CNTN5: variants seen among roughly 807,000 people sequenced by gnomAD.
The protein encoded by CNTN5 is contactin-5.
In CNTN5, 77 loss-of-function variants were observed where a neutral mutation model predicts 129.1. The observed-to-expected ratio is 0.60, with a 90% CI of 0.50 to 0.72. The LOEUF (loss-of-function observed/expected upper bound fraction) is 0.72. Ranked by LOEUF, CNTN5 falls within the 30% of genes least tolerant of loss-of-function variation. The pLI is 0.00. For missense variants in CNTN5, 1,478 were observed against 1,328.8 expected, an observed-to-expected ratio of 1.11 and a Z score of -1.75; for synonymous variants, 509 against 465.6, an observed-to-expected ratio of 1.09 and a Z score of -1.20.
chr11:100,237,014 C>T (rs1591423753), intron 16 of CNTN5, among the ~76,000 whole-genome samples: 1 of 151,588 alleles, frequency 6.6e-6, no homozygotes, highest in Non-Finnish European at 1.5e-5. Flanking sequence ...ACAGTGAAAC[C>T]CCGTCTCTAC....
chr11:99,912,702 T>C (rs897663062), intron 6 of CNTN5, among the ~76,000 whole-genome samples: 4 of 150,962 alleles, frequency 2.6e-5, no homozygotes, highest in African/African-American at 7.3e-5. Flanking sequence ...TTCTCCAAGC[T>C]ACAGTTCTAG....
intron 1 of CNTN5, among the ~76,000 whole-genome samples, chr11:99,131,299 A>C (rs887369511): frequency 5.3e-5 from 8 of 150,692 alleles, no homozygotes; most frequent in African/African-American, 2.0e-4. Flanking sequence ...CACATCAAAA[A>C]GCCTGAAAGA....
intron 13 of CNTN5, among the ~76,000 whole-genome samples, chr11:100,097,646 G>A (rs1360520463): frequency 1.3e-5 from 2 of 152,082 alleles, no homozygotes; most frequent in African/African-American, 4.8e-5. Flanking sequence ...GAAGAATAGA[G>A]TATAGGGAAT....
intron 9 of CNTN5, among the ~76,000 whole-genome samples, chr11:100,035,012 G>C (rs1329964244): frequency 6.6e-6 from 1 of 151,756 alleles, no homozygotes; most frequent in East Asian, 1.9e-4. Flanking sequence ...GGGTACATGT[G>C]CGCAACGTGC....
intron 2 of CNTN5, among the ~76,000 whole-genome samples, chr11:99,381,714 GGA>G (rs1940571283): frequency 6.6e-6 from 1 of 152,054 alleles, no homozygotes; most frequent in South Asian, 2.1e-4. Context: ...AAACTTTCTA[GGA>G]CTCCTATTAT....
chr11:100,116,418 A>T (rs928798642), intron 13 of CNTN5, among the ~76,000 whole-genome samples: 3 of 152,114 alleles, frequency 2.0e-5, no homozygotes, highest in African/African-American at 7.2e-5. Context: ...TAATAAAAAA[A>T]ATTTGGTGAT....
intron 3 of CNTN5, among the ~76,000 whole-genome samples, chr11:99,708,395 A>G (rs1423058218): frequency 6.6e-6 from 1 of 151,812 alleles, no homozygotes; most frequent in Non-Finnish European, 1.5e-5. Flanking sequence ...TGACAAAGAC[A>G]AATACATTCA....
At chr11:99,451,807 T>A (rs984526840) in intron 2 of CNTN5, among the ~76,000 whole-genome samples, 1 of 152,168 alleles carries the variant, frequency 6.6e-6, no homozygotes, top group African/African-American at 2.4e-5. Context: ...CATAATCTTC[T>A]TATGTTTTAA....
At chr11:99,579,777 C>A (rs941474626) in intron 3 of CNTN5, among the ~76,000 whole-genome samples, 8 of 150,366 alleles carry the variant, frequency 5.3e-5, no homozygotes, top group African/African-American at 2.0e-4. Flanking sequence ...CATCTGCAAA[C>A]AGGGACAATT....
chr11:99,738,832 G>C (rs72985872), intron 3 of CNTN5, among the ~76,000 whole-genome samples: 2,185 of 152,158 alleles, frequency 0.014, 23 homozygotes, highest in Non-Finnish European at 0.021. Context: ...TAAATAATAA[G>C]GTGGCTTTTT....
chr11:99,852,366 T>G (rs566627336), intron 6 of CNTN5, among the ~76,000 whole-genome samples: 154 of 152,334 alleles, frequency 1.0e-3, no homozygotes, highest in African/African-American at 3.4e-3. Flanking sequence ...ACTGTATAGA[T>G]GGTGTCTAGC....
chr11:99,758,368 CTTTA>C (rs1323621941), intron 3 of CNTN5, among the ~76,000 whole-genome samples: 4 of 152,032 alleles, frequency 2.6e-5, no homozygotes, highest in African/African-American at 4.8e-5. Context: ...AGAACTTATA[CTTTA>C]TTTGTCAGAC....
chr11:99,680,426 A>C (rs1953499560), intron 3 of CNTN5, among the ~76,000 whole-genome samples: 1 of 152,098 alleles, frequency 6.6e-6, no homozygotes, highest in African/African-American at 2.4e-5. Context: ...GTTAGGCTAA[A>C]TCTATTCTTC....
intron 6 of CNTN5, among the ~76,000 whole-genome samples, chr11:99,913,395 A>G (rs557395466): frequency 6.6e-6 from 1 of 152,156 alleles, no homozygotes; most frequent in South Asian, 2.1e-4. Context: ...TGAGAAATGT[A>G]CATACCCCAT....
intron 6 of CNTN5, among the ~76,000 whole-genome samples, chr11:99,853,240 C>T (rs2135732687): frequency 6.6e-6 from 1 of 152,148 alleles, no homozygotes; most frequent in African/African-American, 2.4e-5. Context: ...CTTTATTCCA[C>T]ACCAAGTGCT....
intron 3 of CNTN5, among the ~76,000 whole-genome samples, chr11:99,760,509 A>G (rs980440167): frequency 2.6e-5 from 4 of 152,148 alleles, no homozygotes; most frequent in Non-Finnish European, 5.9e-5. Flanking sequence ...GTTACGTTAT[A>G]CATTCATGAA....
At chr11:99,529,528 A>C (rs1947617902) in intron 2 of CNTN5, among the ~76,000 whole-genome samples, 2 of 152,176 alleles carry the variant, frequency 1.3e-5, no homozygotes, top group South Asian at 4.1e-4. Context: ...ATTTAGACAT[A>C]AGGAATTTTT....
intron 2 of CNTN5, among the ~76,000 whole-genome samples, chr11:99,449,159 A>G (rs1318107488): frequency 6.6e-6 from 1 of 152,192 alleles, no homozygotes; most frequent in Non-Finnish European, 1.5e-5. Flanking sequence ...AGAGGAATAA[A>G]AAACTACTCG....
chr11:99,160,750 G>A (rs7110789), intron 1 of CNTN5, among the ~76,000 whole-genome samples: 138,199 of 152,120 alleles, frequency 0.91, 63,023 homozygotes, highest in East Asian at 0.99. Context: ...ACAAAGATGA[G>A]TAAGACACAG....
Sources: allele counts gnomAD v4.1 joint callset (sites outside exome capture counted in the v4.1 genomes callset), GRCh38; gene constraint gnomAD v4.1.1; transcripts MANE v1.5; gene names NCBI Gene and HGNC (gene_info 2026-07-23, HGNC 2026-07-21).